Variants in RIN3 observed in about 807,000 individuals in gnomAD.
RIN3 encodes the protein Ras and Rab interactor 3, also known as RAB5 interacting protein 3.
A neutral mutation model predicts 76.3 loss-of-function variants in RIN3; 54 were observed. The ratio of observed to expected loss-of-function variants is 0.71; its 90% CI spans 0.57 to 0.89. The LOEUF is 0.89. Among genes scored for constraint, RIN3 ranks in the 40% least tolerant of loss-of-function variants. The pLI, the probability that RIN3 is intolerant of heterozygous loss-of-function variation, is 0.00. For missense variants in RIN3, 1,256 were observed against 1,322.1 expected, an observed-to-expected ratio of 0.95 and a Z score of 0.78; for synonymous variants, 576 against 564.0, an observed-to-expected ratio of 1.02 and a Z score of -0.30.
At chr14:92,607,865 C>A (rs558385696) in intron 3 of RIN3, among the ~76,000 whole-genome samples, 1 of 152,192 alleles carries the variant, frequency 6.6e-6, no homozygotes. Flanking sequence ...ACTGTTGATT[C>A]ACGGAACAAC....
intron 5 of RIN3, among the ~76,000 whole-genome samples, chr14:92,650,413 G>A (rs968825098): frequency 2.0e-5 from 3 of 152,230 alleles, no homozygotes; most frequent in Admixed American, 6.5e-5. Context: ...CAAGGAGCCC[G>A]TGGGCTCACG....
rs1299474713 is a variant in RIN3, at chr14:92,568,200, G to A, written c.250-9160G>A. Among the ~76,000 whole-genome samples, 1 of 152,156 alleles carries A rather than the reference G, an allele frequency of 6.6e-6. No individual in the cohort carries two copies. The highest frequency in any genetic ancestry group is 1.9e-4 in the East Asian group (1 of 5,180). On this transcript the variant is annotated intron_variant, in intron 2 of 9. Coordinates refer to ENST00000216487, the MANE Select transcript of RIN3 (RefSeq NM_024832.5). The surrounding 1 kb of genome is among the most constrained non-coding windows in gnomAD (Gnocchi z 4.2). ...TCACATGGAAACCCCAAAGGTGTTG[G>A]AGAAAGGGCTCTGGGTGGTCCTTCG...
chr14:92,563,912 C>G (rs561613188), intron 2 of RIN3, among the ~76,000 whole-genome samples: 1 of 152,222 alleles, frequency 6.6e-6, no homozygotes, highest in South Asian at 2.1e-4. Flanking sequence ...CACACACAAA[C>G]ACACACACAC....
At chr14:92,682,520 A>G (rs1253463533) in intron 8 of RIN3, among the ~76,000 whole-genome samples, 1 of 152,186 alleles carries the variant, frequency 6.6e-6, no homozygotes, top group Non-Finnish European at 1.5e-5. Context: ...ATCTTTTCTT[A>G]GCATGTGGGG....
intron 3 of RIN3, 118 bp from the exon 4 acceptor site, chr14:92,615,289 A>G: frequency 2.4e-6 from 2 of 816,798 alleles, no homozygotes; most frequent in South Asian, 2.9e-5. Flanking sequence ...GCAGCCCAGC[A>G]TGGGACCCAG....
At chr14:92,522,767 G>A (rs1285625101) in intron 1 of RIN3, among the ~76,000 whole-genome samples, 2 of 152,182 alleles carry the variant, frequency 1.3e-5, no homozygotes, top group Non-Finnish European at 2.9e-5. Context: ...TTTGCTGGGT[G>A]TAAGTTTTAG....
At chr14:92,556,501 C>T (rs1244473589) in intron 2 of RIN3, among the ~76,000 whole-genome samples, 1 of 152,104 alleles carries the variant, frequency 6.6e-6, no homozygotes, top group Non-Finnish European at 1.5e-5. Context: ...TTCACACCAC[C>T]CCCGAGGCTC....
intron 1 of RIN3, among the ~76,000 whole-genome samples, chr14:92,539,967 G>A (rs114968575): frequency 0.012 from 1,842 of 152,254 alleles, 41 homozygotes; most frequent in African/African-American, 0.042. Context: ...TGCCTCTGCC[G>A]GCACCACCAG....
At chr14:92,615,570 C>G in intron 4 of RIN3, 91 bp downstream of exon 4, 1 of 1,097,378 alleles carries the variant, frequency 9.1e-7, no homozygotes, top group Non-Finnish European at 1.4e-6. Context: ...ACAGGGAAGC[C>G]CCAGAGGGAG....
At chr14:92,549,916 A>G (rs1304458423) in intron 1 of RIN3, among the ~76,000 whole-genome samples, 1 of 152,204 alleles carries the variant, frequency 6.6e-6, no homozygotes, top group Non-Finnish European at 1.5e-5. Context: ...ACCTTTCATT[A>G]TCCAAGGTCC....
intron 3 of RIN3, among the ~76,000 whole-genome samples, chr14:92,609,680 T>A (rs903545186): frequency 7.9e-5 from 12 of 152,276 alleles, no homozygotes; most frequent in African/African-American, 2.6e-4. Flanking sequence ...TTTTCAGCTG[T>A]ACTAGTAGGG....
At chr14:92,538,120 C>A (rs772980339) in intron 1 of RIN3, among the ~76,000 whole-genome samples, 1 of 151,522 alleles carries the variant, frequency 6.6e-6, no homozygotes, top group East Asian at 1.9e-4. Context: ...CCACCACACC[C>A]GGCCACACCT....
At chr14:92,566,875 T>C (rs555502159) in intron 2 of RIN3, among the ~76,000 whole-genome samples, 193 of 152,304 alleles carry the variant, frequency 1.3e-3, no homozygotes, top group African/African-American at 4.5e-3. Context: ...TTTTCTCATC[T>C]GCATGGAGGG....
intron 6 of RIN3, among the ~76,000 whole-genome samples, chr14:92,654,318 A>G (rs1212405638): frequency 4.7e-5 from 6 of 126,900 alleles, no homozygotes; most frequent in Non-Finnish European, 7.0e-5. Flanking sequence ...CTGTCTAAAA[A>G]AAAAAAAAGA....
Position 92,516,619 on chromosome 14 carries a change from C to T in RIN3, c.44+2643C>T, listed in dbSNP as rs572965634. Among the ~76,000 whole-genome samples, 688 of 152,226 alleles carry T rather than the reference C, an allele frequency of 4.5e-3. 4 individuals carry two copies. The highest frequency in any genetic ancestry group is 0.016 in the African/African-American group (663 of 41,516). ...CACCATCTCAAGTCTGCTCTCCTGC[C>T]CCCCCACCCCGAGAAGCCCCAGTAC... On this transcript the variant is annotated intron_variant, in intron 1 of 9. Coordinates refer to ENST00000216487, the MANE Select transcript of RIN3 (RefSeq NM_024832.5).
chr14:92,577,643 A>G (rs868826700), intron 3 of RIN3, among the ~76,000 whole-genome samples, 166 bp downstream of exon 3: 1 of 152,116 alleles, frequency 6.6e-6, no homozygotes, highest in South Asian at 2.1e-4. Context: ...CTTGTTTTGA[A>G]CTCAGTTCAT....
intron 3 of RIN3, among the ~76,000 whole-genome samples, chr14:92,607,154 G>A (rs569001574): frequency 6.6e-6 from 1 of 152,342 alleles, no homozygotes; most frequent in Non-Finnish European, 1.5e-5. Context: ...ATGAAAGGAT[G>A]TTCAACATCA....
chr14:92,659,563 C>A (rs1887804016), intron 7 of RIN3, 94 bp downstream of exon 7: 2 of 1,217,040 alleles, frequency 1.6e-6, no homozygotes, highest in East Asian at 2.5e-5. Flanking sequence ...CCTTGGAAGG[C>A]CCCAGACTTT....
At chr14:92,604,800 C>T (rs902010891) in intron 3 of RIN3, among the ~76,000 whole-genome samples, 5 of 151,906 alleles carry the variant, frequency 3.3e-5, no homozygotes, top group Non-Finnish European at 5.9e-5. Context: ...CTCTACCCAC[C>T]CCTCCCCACC....
Sources: gnomAD v4.1 joint callset for allele counts (sites outside exome capture counted in the v4.1 genomes callset) on GRCh38, gnomAD v4.1.1 for gene constraint, Gnocchi (gnomAD v3.1) non-coding constraint, MANE v1.5 for transcripts, NCBI Gene and HGNC (gene_info 2026-07-23, HGNC 2026-07-21) for gene names.